The following MRPL1 variants were observed in gnomAD, a reference collection of about 807,000 sequenced individuals.
The protein encoded by MRPL1 is mitochondrial ribosomal protein L1, also known as large ribosomal subunit protein uL1m.
MRPL1 carries 28 observed loss-of-function variants against 38.0 expected under a neutral mutation model. The ratio of observed to expected loss-of-function variants is 0.74; its 90% CI spans 0.55 to 1.01. The LOEUF (loss-of-function observed/expected upper bound fraction) is 1.01. Among genes scored for constraint, MRPL1 ranks in the 50% least tolerant of loss-of-function variants. The pLI is 0.00. For synonymous variants in MRPL1, 123 were observed against 126.7 expected (o/e 0.97, Z 0.20); for missense variants, 358 against 389.8 (o/e 0.92, Z 0.69).
Position 77,887,387 on chromosome 4 carries a change from T to C in MRPL1, c.558+96T>C, listed in dbSNP as rs116032988. ...ATATGTGGAACACTAGTCTCATATC[T>C]TATGATAAATAGTTAATAGGTCTTT... On this transcript the variant is annotated intron_variant, in intron 5 of 8. Transcript: ENST00000315567. The C allele has an allele frequency of 1.3e-5, 13 of 1,036,774 alleles. No individual in the cohort carries two copies. In the African/African-American group the frequency reaches 1.3e-4, roughly 10 times the overall value. 64.2% of individuals were successfully genotyped at this position (1,036,774 alleles called of 1,614,324 possible).
rs189550347 is a variant in MRPL1, at chr4:77,890,297, T to A, written c.558+3006T>A. Among the ~76,000 whole-genome samples, 89 of 152,290 alleles carry A rather than the reference T, an allele frequency of 5.8e-4. 1 individual carries two copies. Among genetic ancestry groups the A allele is most frequent in the African/African-American group, 2.0e-3 (84 of 41,542 alleles). ...CTAAAGCTTATCCACCACGATCAAG[T>A]GGGCTTCATCCCTGGGATGCAAGGC... On this transcript the variant is annotated intron_variant, in intron 5 of 8. Coordinates refer to ENST00000315567, the MANE Select transcript of MRPL1 (RefSeq NM_020236.4).
intron 6 of MRPL1, among the ~76,000 whole-genome samples, chr4:77,906,107 C>T (rs1736152824): frequency 6.6e-6 from 1 of 152,142 alleles, no homozygotes; most frequent in African/African-American, 2.4e-5. Flanking sequence ...CATGACTGAT[C>T]CCTGAGGTAG....
At chr4:77,895,452 G>A (rs900917595) in intron 6 of MRPL1, among the ~76,000 whole-genome samples, 3 of 152,010 alleles carry the variant, frequency 2.0e-5, no homozygotes, top group African/African-American at 7.2e-5. Context: ...TGGAAACAGG[G>A]AGTACAATTG....
intron 4 of MRPL1, 116 bp downstream of exon 4, chr4:77,885,455 C>A: frequency 4.4e-6 from 3 of 685,782 alleles, no homozygotes; most frequent in Non-Finnish European, 7.6e-6. Context: ...CAACCTCCGC[C>A]TCCCAGGTTC....
At position 77,883,465 on chromosome 4, in the gene MRPL1, C is replaced by A. The variant is rs777696778; in HGVS notation, c.367C>A (p.Leu123Ile). Residue 123 changes from leucine to isoleucine, a missense_variant, in exon 3 of 9, where the codon CTT becomes ATT. Coordinates refer to ENST00000315567, the MANE Select transcript of MRPL1 (RefSeq NM_020236.4). ...TACTAGTCCAAAGCAAAGTGTTTATCTTGATTTGACACTGGATATGGCACT... is the reference window on the plus strand; with the variant it reads ...TACTAGTCCAAAGCAAAGTGTTTATATTGATTTGACACTGGATATGGCACT... ...DFTSPKQSVY[L>I]DLTLDMALGK... The A allele has an allele frequency of 6.2e-7, 1 of 1,613,550 alleles. No homozygotes were observed. Among genetic ancestry groups the A allele is most frequent in the South Asian group, 1.1e-5 (1 of 90,956 alleles).
Position 77,871,750 on chromosome 4 carries a change from T to G in MRPL1, c.38T>G (p.Ile13Arg). The G allele has an allele frequency of 6.6e-7, 1 of 1,517,606 alleles. No homozygotes were observed. Among genetic ancestry groups the G allele is most frequent in the Non-Finnish European group, 8.9e-7 (1 of 1,126,726 alleles). 94.0% of individuals were successfully genotyped at this position (1,517,606 alleles called of 1,614,324 possible). A position where few individuals can be genotyped will look rare whatever the true frequency, so the allele number is the denominator to read the frequency against. Reference protein sequence around the residue: ...AAVRCMGRALIHHQRHSLSKM... With the variant: ...AAVRCMGRALRHHQRHSLSKM... ...ACATGTTTTTCCTTTCAAGCCTTGATACATCATCAAAGGCATAGCCTTTCC... is the reference window on the plus strand; with the variant it reads ...ACATGTTTTTCCTTTCAAGCCTTGAGACATCATCAAAGGCATAGCCTTTCC... The change falls in exon 2 of 9, where the codon ATA (isoleucine) becomes AGA (arginine). Residue 13 changes from isoleucine (I) to arginine (R), a missense_variant. Physicochemically the swap from Ile to Arg is moderately conservative, Grantham distance 97. Coordinates refer to ENST00000315567, the MANE Select transcript of MRPL1 (RefSeq NM_020236.4).
chr4:77,905,496 CAA>C (rs374398968), intron 6 of MRPL1, among the ~76,000 whole-genome samples: 132 of 63,362 alleles, frequency 2.1e-3, no homozygotes, highest in Middle Eastern at 0.03. Flanking sequence ...GACTCCGTCT[CAA>C]AAAAAAAAAA....
At chr4:77,902,971 TAGTG>T (rs1014400100) in intron 6 of MRPL1, among the ~76,000 whole-genome samples, 27 of 152,086 alleles carry the variant, frequency 1.8e-4, no homozygotes, top group African/African-American at 5.8e-4. Flanking sequence ...TTTTAGAAAA[TAGTG>T]AGTAAAGAAC....
At chr4:77,899,839 G>C (rs565784356) in intron 6 of MRPL1, among the ~76,000 whole-genome samples, 1 of 152,140 alleles carries the variant, frequency 6.6e-6, no homozygotes, top group African/African-American at 2.4e-5. Context: ...GGAGAAAGAG[G>C]AAAGCAGTTA....
At chr4:77,943,455 C>T (rs569265444) in intron 7 of MRPL1, among the ~76,000 whole-genome samples, 99 of 152,158 alleles carry the variant, frequency 6.5e-4, no homozygotes, top group African/African-American at 2.3e-3. Flanking sequence ...ATTATTCCCT[C>T]AAATATGTTT....
chr4:77,934,365 TAACTC>T (rs1736915028), intron 7 of MRPL1, among the ~76,000 whole-genome samples: 1 of 152,062 alleles, frequency 6.6e-6, no homozygotes, highest in South Asian at 2.1e-4. Context: ...GAAAGATAAA[TAACTC>T]AATTTTGAAA....
chr4:77,883,408 CACTT>C lies in MRPL1; in HGVS notation c.316_319del (p.Leu106ArgfsTer19). ...GATATATGAGGTGGAGAAAGCTGTT[CACTT>C]ACTTAAGAAATTTCAAATTCTTGAC... On this transcript the variant is annotated frameshift_variant, in exon 3 of 9. Coordinates refer to ENST00000315567, the MANE Select transcript of MRPL1 (RefSeq NM_020236.4). LOFTEE classifies it high-confidence loss of function. 1.9e-6 allele frequency: 3 copies of C among 1,613,824 alleles called. No individual in the cohort carries two copies. Among genetic ancestry groups the C allele is most frequent in the Non-Finnish European group, 2.5e-6 (3 of 1,179,880 alleles).
At position 77,885,179 on chromosome 4, in the gene MRPL1, C is replaced by T. The variant is rs1047799599; in HGVS notation, c.403-77C>T. On this transcript the variant is annotated intron_variant, in intron 3 of 8. Coordinates refer to ENST00000315567, the MANE Select transcript of MRPL1 (RefSeq NM_020236.4). ...CAGAACACTGAAAACAAAACATGTC[C>T]GTTCTTGTTTTATATAGAGTGTGTG... The T allele has an allele frequency of 1.5e-5, 16 of 1,076,210 alleles. 1 individual carries two copies. Among genetic ancestry groups the T allele is most frequent in the Middle Eastern group, 4.2e-4 (2 of 4,786 alleles). 66.7% of individuals were successfully genotyped at this position (1,076,210 alleles called of 1,614,324 possible).
At chr4:77,945,063 A>G (rs1737223230) in intron 7 of MRPL1, among the ~76,000 whole-genome samples, 2 of 151,592 alleles carry the variant, frequency 1.3e-5, no homozygotes, top group Non-Finnish European at 2.9e-5. Flanking sequence ...AATGAATAAG[A>G]ATATCTATGT....
intron 5 of MRPL1, among the ~76,000 whole-genome samples, chr4:77,890,723 A>G (rs186574214): frequency 9.8e-5 from 15 of 152,344 alleles, no homozygotes; most frequent in African/African-American, 3.4e-4. Context: ...ACGATTGTAT[A>G]TTTAGAAAAC....
chr4:77,888,010 C>T (rs1458527842), intron 5 of MRPL1, among the ~76,000 whole-genome samples: 1 of 152,106 alleles, frequency 6.6e-6, no homozygotes, highest in Non-Finnish European at 1.5e-5. Context: ...ATGGACACCT[C>T]TATTCATGTT....
chr4:77,939,642 G>A lies in MRPL1; in HGVS notation c.778-10155G>A, dbSNP rs992933838. Among the ~76,000 whole-genome samples, 6 of 152,044 alleles carry A rather than the reference G, an allele frequency of 3.9e-5. No homozygotes were observed. The East Asian group carries it at 7.7e-4, about 20-fold the overall frequency. Reference sequence around the variant, plus strand: ...AGCCAGTGTCTAAAAGGGTTTTTCCGATGTTATCTTCTAGAATTTTTATAG... The same window carrying A: ...AGCCAGTGTCTAAAAGGGTTTTTCCAATGTTATCTTCTAGAATTTTTATAG... On this transcript the variant is annotated intron_variant, in intron 7 of 8. Coordinates refer to ENST00000315567, the MANE Select transcript of MRPL1 (RefSeq NM_020236.4).
chr4:77,909,125 G>C, intron 6 of MRPL1, 141 bp from the exon 7 acceptor site: 2 of 646,132 alleles, frequency 3.1e-6, no homozygotes, highest in Non-Finnish European at 5.5e-6. Flanking sequence ...GTGAACACCA[G>C]GAAACAGAGC....
At chr4:77,949,685 G>T (rs1400964947) in intron 7 of MRPL1, 112 bp from the exon 8 acceptor site, 3 of 628,824 alleles carry the variant, frequency 4.8e-6, no homozygotes, top group Admixed American at 5.9e-5. Flanking sequence ...TTTCACAGTA[G>T]GGTCATTTAC....
Sources: gnomAD v4.1 joint callset for allele counts (sites outside exome capture counted in the v4.1 genomes callset) on GRCh38, gnomAD v4.1.1 for gene constraint, MANE v1.5 for transcripts, NCBI Gene and HGNC (gene_info 2026-07-23, HGNC 2026-07-21) for gene names.